The following CLNK variants were observed in gnomAD, a reference collection of about 807,000 sequenced individuals.
The protein encoded by CLNK is cytokine dependent hematopoietic cell linker, also known as cytokine-dependent hematopoietic cell linker.
In CLNK, 74 loss-of-function variants were observed where a neutral mutation model predicts 68.6. The ratio of observed to expected loss-of-function variants is 1.08; its 90% CI spans 0.89 to 1.31. CLNK has a LOEUF of 1.31. Ranked by LOEUF, CLNK falls within the 50% of genes most tolerant of loss-of-function variation. CLNK has a pLI of 0.00. For missense variants in CLNK, 553 were observed against 515.3 expected (o/e 1.07, Z -0.71); for synonymous variants, 198 against 172.2 (o/e 1.15, Z -1.17).
In CLNK at chr4:10,642,064, A is replaced by C. The variant is rs1324582039; in HGVS notation, c.11+25795T>G. 2.0e-5 allele frequency among the ~76,000 whole-genome samples: 3 copies of C among 152,210 alleles called. No homozygotes were observed. In the East Asian group the frequency reaches 5.8e-4, roughly 29 times the overall value. On this transcript the variant is annotated intron_variant, in intron 2 of 18. Coordinates refer to ENST00000226951, the MANE Select transcript of CLNK (RefSeq NM_052964.4). ...GAGTCTCGTGTATGTCTTTATCAGC[A>C]GTGTGAAAATGGACTAAAACACCTA...
Position 10,488,634 on chromosome 4 carries a change from T to C in CLNK, c.*1833A>G, listed in dbSNP as rs1716441826. 6.6e-6 allele frequency: 1 copy of C among 152,212 alleles called. No individual in the cohort carries two copies. The highest frequency in any genetic ancestry group is 1.5e-5 in the Non-Finnish European group (1 of 68,040). The allele number at this position is 152,212 out of a possible 1,614,324, so 9.4% of individuals were successfully genotyped here. On this transcript the variant is annotated 3_prime_UTR_variant, in exon 19 of 19. Transcript: ENST00000226951. ...GATAGGCTCAGCTGGGTCTCAAAAG[T>C]TCCAGCTTTACAAATAGCTTCTTCA...
chr4:10,585,351 C>G (rs1203040013), intron 3 of CLNK, among the ~76,000 whole-genome samples: 1 of 152,234 alleles, frequency 6.6e-6, no homozygotes. Flanking sequence ...ACATCATGAA[C>G]TATAAACAGA....
rs143337950 is a variant in CLNK, at chr4:10,512,619, A to G, written c.906+845T>C. ...AAATTAATATGAATATAAGGATAACAAAAGAGCTTTAGGATACTGTAGGAA... is the reference window on the plus strand; with the variant it reads ...AAATTAATATGAATATAAGGATAACGAAAGAGCTTTAGGATACTGTAGGAA... On this transcript the variant is annotated intron_variant, in intron 16 of 18. Coordinates refer to ENST00000226951, the MANE Select transcript of CLNK (RefSeq NM_052964.4). Among the ~76,000 whole-genome samples the G allele has an allele frequency of 2.9e-3, 434 of 152,198 alleles. 3 individuals carry two copies. Among genetic ancestry groups the G allele is most frequent in the African/African-American group, 9.5e-3 (396 of 41,520 alleles).
upstream of CLNK, among the ~76,000 whole-genome samples, chr4:10,687,392 C>T (rs1254239640): frequency 6.6e-6 from 1 of 151,558 alleles, no homozygotes; most frequent in African/African-American, 2.4e-5. Context: ...GGGGAAGTGA[C>T]AAGAGATCTG....
chr4:10,605,222 C>T (rs1191905813), intron 2 of CLNK, among the ~76,000 whole-genome samples: 1 of 152,190 alleles, frequency 6.6e-6, no homozygotes, highest in Admixed American at 6.5e-5. Context: ...TAAAATAAAT[C>T]TCTCTTGCTT....
At chr4:10,602,028 A>G (rs1393794622) in intron 2 of CLNK, among the ~76,000 whole-genome samples, 2 of 152,196 alleles carry the variant, frequency 1.3e-5, no homozygotes, top group Non-Finnish European at 2.9e-5. Flanking sequence ...AACAGAGCAC[A>G]TCGCCCCACA....
chr4:10,597,044 A>G (rs1304748108), intron 3 of CLNK, among the ~76,000 whole-genome samples: 2 of 152,248 alleles, frequency 1.3e-5, no homozygotes, highest in Non-Finnish European at 2.9e-5. Flanking sequence ...GTTTTGCAAA[A>G]CACCTCAAGT....
chr4:10,595,788 T>C (rs1721361462), intron 3 of CLNK, among the ~76,000 whole-genome samples: 3 of 152,174 alleles, frequency 2.0e-5, no homozygotes. Flanking sequence ...GCTGCATTCT[T>C]CTTTCCTGTA....
the CLNK span, among the ~76,000 whole-genome samples, chr4:10,721,390 C>T: frequency 1.3e-5 from 2 of 152,132 alleles, no homozygotes; most frequent in South Asian, 4.1e-4. Flanking sequence ...TGAGACTCTA[C>T]AATCATCTGA....
chr4:10,500,490 G>C (rs1042030503), intron 18 of CLNK, among the ~76,000 whole-genome samples: 2 of 152,130 alleles, frequency 1.3e-5, no homozygotes, highest in African/African-American at 4.8e-5. Flanking sequence ...AGACCAGCCT[G>C]ACCAACATGG....
rs111601704 is a variant in CLNK, at chr4:10,603,729, G to C, written c.12-5680C>G. ...TCCCATGTTGGGGTGGGAAGGCCAG[G>C]TCTATGCACTCCTGGGTGGCCCAGT... On this transcript the variant is annotated intron_variant, in intron 2 of 18. Coordinates refer to ENST00000226951, the MANE Select transcript of CLNK (RefSeq NM_052964.4). 1.7e-3 allele frequency among the ~76,000 whole-genome samples: 265 copies of C among 152,334 alleles called. 1 individual carries two copies. The highest frequency in any genetic ancestry group is 6.1e-3 in the African/African-American group (252 of 41,584).
the CLNK span, among the ~76,000 whole-genome samples, chr4:10,730,800 G>C: frequency 6.6e-6 from 1 of 152,124 alleles, no homozygotes; most frequent in Admixed American, 6.5e-5. Flanking sequence ...TTCAGTGTAT[G>C]AGGGTTTTTT....
intron 2 of CLNK, among the ~76,000 whole-genome samples, chr4:10,662,864 T>C (rs1408574417): frequency 6.6e-6 from 1 of 152,234 alleles, no homozygotes; most frequent in African/African-American, 2.4e-5. Context: ...CTGGAGACAA[T>C]TTCACCAATG....
intron 2 of CLNK, among the ~76,000 whole-genome samples, chr4:10,629,194 G>T (rs1224213242): frequency 6.6e-6 from 1 of 152,150 alleles, no homozygotes; most frequent in Non-Finnish European, 1.5e-5. Flanking sequence ...GTCACCTAAA[G>T]CTATGGTCAG....
chr4:10,728,835 G>A, the CLNK span, among the ~76,000 whole-genome samples: 173 of 152,042 alleles, frequency 1.1e-3, no homozygotes, highest in Non-Finnish European at 1.8e-3. Flanking sequence ...TCCTGATCTC[G>A]TGATCTGCCC....
chr4:10,664,496 C>G (rs1309873538), intron 2 of CLNK, among the ~76,000 whole-genome samples: 1 of 152,192 alleles, frequency 6.6e-6, no homozygotes, highest in African/African-American at 2.4e-5. Context: ...ACATGTGGCT[C>G]CTTCTCTGAG....
chr4:10,676,065 GTGTGTGTGTGTGTCTA>G (rs1410633141), intron 1 of CLNK, among the ~76,000 whole-genome samples: 5 of 139,910 alleles, frequency 3.6e-5, no homozygotes, highest in African/African-American at 1.0e-4. Context: ...GTGTGTGTGT[GTGTGTGTGTGTGTCTA>G]TGTGTGTGTG....
At chr4:10,504,854 A>C (rs1225483015) in intron 17 of CLNK, among the ~76,000 whole-genome samples, 1 of 152,254 alleles carries the variant, frequency 6.6e-6, no homozygotes, top group Non-Finnish European at 1.5e-5. Context: ...AGACAAACAG[A>C]AAAGGAAAAT....
rs527375550 is a variant in CLNK, at chr4:10,637,020, C to T, written c.11+30839G>A. Among the ~76,000 whole-genome samples the T allele has an allele frequency of 2.4e-3, 367 of 152,274 alleles. 1 individual carries two copies. The highest frequency in any genetic ancestry group is 3.4e-3 in the Middle Eastern group (1 of 294). On this transcript the variant is annotated intron_variant, in intron 2 of 18. Coordinates refer to ENST00000226951, the MANE Select transcript of CLNK (RefSeq NM_052964.4). The stretch of plus-strand genomic sequence containing the variant: ...TATGGCTCTGTGCACACAGGTGTTG[C>T]AGTATGGAGCAGGGCCTCCCGAGTG...
Sources: allele counts gnomAD v4.1 joint callset (sites outside exome capture counted in the v4.1 genomes callset), GRCh38; gene constraint gnomAD v4.1.1; transcripts MANE v1.5; gene names NCBI Gene and HGNC (gene_info 2026-07-23, HGNC 2026-07-21).